Variants in RTL8C observed in about 807,000 individuals in gnomAD.
RTL8C encodes retrotransposon Gag-like protein 8C.
A neutral mutation model predicts 5.0 loss-of-function variants in RTL8C; 1 was observed. The observed-to-expected ratio is 0.20, with a 90% CI of 0.07 to 0.95. RTL8C has a LOEUF of 0.95. Ranked by LOEUF, RTL8C falls within the 40% of genes least tolerant of loss-of-function variation. RTL8C has a pLI of 0.63. For missense variants in RTL8C, 39 were observed against 99.3 expected (o/e 0.39, Z 2.58); for synonymous variants, 37 against 44.5 (o/e 0.83, Z 0.67).
rs764987804 is a variant in RTL8C at position 135,032,530 on chromosome X, C to T, written c.147C>T (p.Ser49=). The change falls in exon 1 of 1, where the codon TCC becomes TCT. Residue 49 remains serine, a synonymous_variant. Coordinates refer to ENST00000257013, the MANE Select transcript of RTL8C (RefSeq NM_001078171.2). ...RLPEFIVQTG[S]YMFVDENTFS... ...CGGAGTTCATCGTGCAGACGGGCTC[C>T]TACATGTTCGTGGACGAGAACACGT... is the stretch of plus-strand genomic sequence containing the variant. The T allele has an allele frequency of 5.0e-5, 60 of 1,210,683 alleles. No individual in the cohort carries two copies. The highest frequency in any genetic ancestry group is 6.4e-5 in the Non-Finnish European group (57 of 895,389).
chrX:135,033,114 T>G lies in RTL8C; in HGVS notation c.*389T>G, dbSNP rs758639439. The G allele has an allele frequency of 1.5e-4, 145 of 961,692 alleles. No homozygotes were observed. In the African/African-American group the frequency reaches 2.6e-3, roughly 17 times the overall value. 79.3% of individuals were successfully genotyped at this position (961,692 alleles called of 1,213,427 possible). Reference sequence around the variant, plus strand: ...CCAGACTGCCAGACGACTACATCATTCTGCCCACAGACCTGCGCTGCCACA... The same window carrying G: ...CCAGACTGCCAGACGACTACATCATGCTGCCCACAGACCTGCGCTGCCACA... On this transcript the variant is annotated 3_prime_UTR_variant, in exon 1 of 1. Transcript: ENST00000257013.
Position 135,033,413 on chromosome X carries a change from AG to A in RTL8C, c.*689del. ...GTTTTGCCCATAACGCAGTATTCTG[AG>A]TTTGCAACTGTCTCTCTGATGTGTG... is the stretch of plus-strand genomic sequence containing the variant. On this transcript the variant is annotated 3_prime_UTR_variant, in exon 1 of 1. Transcript: ENST00000257013. The A allele has an allele frequency of 4.2e-6, 1 of 240,503 alleles. No homozygotes were observed. The highest frequency in any genetic ancestry group is 8.3e-6 in the Non-Finnish European group (1 of 120,628). 19.8% of individuals were successfully genotyped at this position (240,503 alleles called of 1,213,427 possible). A position where few individuals can be genotyped will look rare whatever the true frequency, so the allele number is the denominator to read the frequency against.
Position 135,033,210 on chromosome X carries a change from C to A in RTL8C, c.*485C>A. ...TGATCTGGACTCACCTCGGAGGTAT[C>A]TGGGCTGGCCACAGTCCCTGGACAG... is the stretch of plus-strand genomic sequence containing the variant. On this transcript the variant is annotated 3_prime_UTR_variant, in exon 1 of 1. Transcript: ENST00000257013. 1.4e-6 allele frequency: 1 copy of A among 701,326 alleles called. No individual in the cohort carries two copies. The highest frequency in any genetic ancestry group is 2.0e-6 in the Non-Finnish European group (1 of 498,873). 57.8% of individuals were successfully genotyped at this position (701,326 alleles called of 1,213,427 possible).
chrX:135,033,010 G>C lies in RTL8C; in HGVS notation c.*285G>C. 9.7e-7 allele frequency: 1 copy of C among 1,028,223 alleles called. No individual in the cohort carries two copies. Among genetic ancestry groups the C allele is most frequent in the South Asian group, 2.3e-5 (1 of 44,092 alleles). The allele number at this position is 1,028,223 out of a possible 1,213,427, so 84.7% of individuals were successfully genotyped here. On this transcript the variant is annotated 3_prime_UTR_variant, in exon 1 of 1. Transcript: ENST00000257013. ...CATGTACATTTGGACGCTGTCCTGC[G>C]CTCCAGCTGCAAGCTGGGCTCCTGT...
At position 135,033,254 on chromosome X, in the gene RTL8C, G is replaced by C. The variant is rs1396543819; in HGVS notation, c.*529G>C. 2.3e-6 allele frequency: 1 copy of C among 433,810 alleles called. No individual in the cohort carries two copies. The highest frequency in any genetic ancestry group is 2.5e-5 in the African/African-American group (1 of 39,250). 35.8% of individuals were successfully genotyped at this position (433,810 alleles called of 1,213,427 possible). A position where few individuals can be genotyped will look rare whatever the true frequency, so the allele number is the denominator to read the frequency against. On this transcript the variant is annotated 3_prime_UTR_variant, in exon 1 of 1. Transcript: ENST00000257013. Reference sequence around the variant, plus strand: ...TGGACAGTGATCCAGACAGCTGGCCGCCCCCCAAGGGATCTGTCACCTTCA... The same window carrying C: ...TGGACAGTGATCCAGACAGCTGGCCCCCCCCCAAGGGATCTGTCACCTTCA...
chrX:135,032,566 C>G lies in RTL8C; in HGVS notation c.183C>G (p.Asp61Glu). Residue 61 changes from aspartate to glutamate, a missense_variant, in exon 1 of 1, where the codon GAC becomes GAG. Physicochemically the swap from Asp to Glu is conservative, Grantham distance 45. Coordinates refer to ENST00000257013, the MANE Select transcript of RTL8C (RefSeq NM_001078171.2). The stretch of plus-strand genomic sequence containing the variant: ...TGGACGAGAACACGTTCTCCAGCGA[C>G]GCCCTGAAGGTGACGTTCCTCATCA... The part of the protein sequence containing the change: ...MFVDENTFSS[D>E]ALKVTFLITR... 8.3e-7 allele frequency: 1 copy of G among 1,211,721 alleles called. No individual in the cohort carries two copies. Among genetic ancestry groups the G allele is most frequent in the Non-Finnish European group, 1.1e-6 (1 of 895,450 alleles).
chrX:135,032,358 G>A lies in RTL8C; in HGVS notation c.-26G>A. 1.2e-5 allele frequency: 14 copies of A among 1,188,134 alleles called. No homozygotes were observed. The highest frequency in any genetic ancestry group is 1.5e-5 in the Non-Finnish European group (13 of 882,859). ...TCTGCAGAGCCGGGTGGAGCCCATT[G>A]ACGTCCAGCGAAGCGAGGAGCAGCG... On this transcript the variant is annotated 5_prime_UTR_variant, in exon 1 of 1. Transcript: ENST00000257013.
Position 135,033,058 on chromosome X carries a change from C to A in RTL8C, c.*333C>A, listed in dbSNP as rs1423997969. The A allele has an allele frequency of 1.1e-6, 1 of 928,400 alleles. No homozygotes were observed. The highest frequency in any genetic ancestry group is 2.0e-5 in the African/African-American group (1 of 50,746). The allele number at this position is 928,400 out of a possible 1,213,427, so 76.5% of individuals were successfully genotyped here. On this transcript the variant is annotated 3_prime_UTR_variant, in exon 1 of 1. Coordinates refer to ENST00000257013, the MANE Select transcript of RTL8C (RefSeq NM_001078171.2). The stretch of plus-strand genomic sequence containing the variant: ...TGTTACACACTGGACAGACCACCCA[C>A]TGCCGCCGCTGCCAAGCCCTCTCCT...
rs916586825 is a variant in RTL8C, at chrX:135,032,910, A to G, written c.*185A>G. ...GCCTTTGTTCCAGGAATAGCGCTCC[A>G]GGCTCCTGCTGCCGCCCCTGGGCCT... On this transcript the variant is annotated 3_prime_UTR_variant, in exon 1 of 1. Transcript: ENST00000257013. 4 of 1,100,021 alleles carry G rather than the reference A, an allele frequency of 3.6e-6. No individual in the cohort carries two copies. In the African/African-American group the frequency reaches 7.5e-5, roughly 21 times the overall value. The allele number at this position is 1,100,021 out of a possible 1,213,427, so 90.7% of individuals were successfully genotyped here.
chrX:135,032,863 T>C lies in RTL8C; in HGVS notation c.*138T>C, dbSNP rs1385136146. 13 of 1,115,350 alleles carry C rather than the reference T, an allele frequency of 1.2e-5. No homozygotes were observed. Among genetic ancestry groups the C allele is most frequent in the Non-Finnish European group, 1.4e-5 (12 of 850,814 alleles). 91.9% of individuals were successfully genotyped at this position (1,115,350 alleles called of 1,213,427 possible). ...GCCGCCGCGATGTCCCCTGCGCTCCTGTTCCCTCCCGCGTAGTGCTTGCCT... is the reference window on the plus strand; with the variant it reads ...GCCGCCGCGATGTCCCCTGCGCTCCCGTTCCCTCCCGCGTAGTGCTTGCCT... On this transcript the variant is annotated 3_prime_UTR_variant, in exon 1 of 1. Transcript: ENST00000257013.
chrX:135,032,840 C>G lies in RTL8C; in HGVS notation c.*115C>G, dbSNP rs769517260. The stretch of plus-strand genomic sequence containing the variant: ...CTCCGCGCCTCCCTCCCCCTCGAGC[C>G]GCCGCGATGTCCCCTGCGCTCCTGT... On this transcript the variant is annotated 3_prime_UTR_variant, in exon 1 of 1. Coordinates refer to ENST00000257013, the MANE Select transcript of RTL8C (RefSeq NM_001078171.2). 8.8e-7 allele frequency: 1 copy of G among 1,132,364 alleles called. No individual in the cohort carries two copies. Among genetic ancestry groups the G allele is most frequent in the Non-Finnish European group, 1.2e-6 (1 of 858,576 alleles). The allele number at this position is 1,132,364 out of a possible 1,213,427, so 93.3% of individuals were successfully genotyped here.
At position 135,032,452 on chromosome X, in the gene RTL8C, G is replaced by C; in HGVS notation, c.69G>C (p.Trp23Cys). 3 of 1,212,270 alleles carry C rather than the reference G, an allele frequency of 2.5e-6. No individual in the cohort carries two copies. The highest frequency in any genetic ancestry group is 3.3e-6 in the Non-Finnish European group (3 of 895,604). Reference protein sequence around the residue: ...ALPIRPATRRWRNPIPFPETF... With the variant: ...ALPIRPATRRCRNPIPFPETF... ...CGATCCGGCCTGCGACGCGTCGCTG[G>C]AGGAACCCGATTCCCTTTCCCGAGA... The change falls in exon 1 of 1, where the codon TGG becomes TGC. Residue 23 changes from tryptophan to cysteine, a missense_variant. Trp to Cys is a radical substitution (Grantham distance 215, BLOSUM62 -2). Transcript: ENST00000257013.
In RTL8C at chrX:135,033,212, G is replaced by A; in HGVS notation, c.*487G>A. The stretch of plus-strand genomic sequence containing the variant: ...ATCTGGACTCACCTCGGAGGTATCT[G>A]GGCTGGCCACAGTCCCTGGACAGTG... On this transcript the variant is annotated 3_prime_UTR_variant, in exon 1 of 1. Coordinates refer to ENST00000257013, the MANE Select transcript of RTL8C (RefSeq NM_001078171.2). 1 of 703,019 alleles carries A rather than the reference G, an allele frequency of 1.4e-6. No individual in the cohort carries two copies. The highest frequency in any genetic ancestry group is 2.0e-6 in the Non-Finnish European group (1 of 500,862). The allele number at this position is 703,019 out of a possible 1,213,427, so 57.9% of individuals were successfully genotyped here.
Position 135,032,667 on chromosome X carries a change from G to A in RTL8C, c.284G>A (p.Arg95Gln). The A allele has an allele frequency of 8.3e-7, 1 of 1,207,150 alleles. No individual in the cohort carries two copies. Among genetic ancestry groups the A allele is most frequent in the Non-Finnish European group, 1.1e-6 (1 of 893,121 alleles). The change falls in exon 1 of 1, where the codon CGG (arginine) becomes CAG (glutamine). Residue 95 changes from arginine to glutamine, a missense_variant. Physicochemically the swap from Arg to Gln is conservative, Grantham distance 43. Coordinates refer to ENST00000257013, the MANE Select transcript of RTL8C (RefSeq NM_001078171.2). Reference protein sequence around the residue: ...KKESPLLNDYRGFLAEMKRVF... With the variant: ...KKESPLLNDYQGFLAEMKRVF... The stretch of plus-strand genomic sequence containing the variant: ...GAGAGCCCCCTCCTCAATGATTACC[G>A]GGGCTTTCTGGCCGAGATGAAGCGA...
At position 135,032,792 on chromosome X, in the gene RTL8C, C is replaced by T; in HGVS notation, c.*67C>T. On this transcript the variant is annotated 3_prime_UTR_variant, in exon 1 of 1. Transcript: ENST00000257013. ...GGTCCGCTGTGTTACTGGCCGCCGCCAGGGTCGCCACCGGCGCCCTCCCTC... is the reference window on the plus strand; with the variant it reads ...GGTCCGCTGTGTTACTGGCCGCCGCTAGGGTCGCCACCGGCGCCCTCCCTC... 1 of 1,175,833 alleles carries T rather than the reference C, an allele frequency of 8.5e-7. No individual in the cohort carries two copies.
chrX:135,032,735 C>A lies in RTL8C; in HGVS notation c.*10C>A. ...GGACGAGGACTTCTAGGCCGGGAGACCCTCGGGCCTGGGGGCGGGTGCTCT... is the reference window on the plus strand; with the variant it reads ...GGACGAGGACTTCTAGGCCGGGAGAACCTCGGGCCTGGGGGCGGGTGCTCT... On this transcript the variant is annotated 3_prime_UTR_variant, in exon 1 of 1. Coordinates refer to ENST00000257013, the MANE Select transcript of RTL8C (RefSeq NM_001078171.2). 8.3e-7 allele frequency: 1 copy of A among 1,209,916 alleles called. No homozygotes were observed. Among genetic ancestry groups the A allele is most frequent in the Non-Finnish European group, 1.1e-6 (1 of 894,525 alleles).
In RTL8C at chrX:135,032,728, C is replaced by T. The variant is rs1461715840; in HGVS notation, c.*3C>T. On this transcript the variant is annotated 3_prime_UTR_variant, in exon 1 of 1. Coordinates refer to ENST00000257013, the MANE Select transcript of RTL8C (RefSeq NM_001078171.2). The stretch of plus-strand genomic sequence containing the variant: ...GGGAGGAGGACGAGGACTTCTAGGC[C>T]GGGAGACCCTCGGGCCTGGGGGCGG... The T allele has an allele frequency of 1.7e-6, 2 of 1,210,230 alleles. No individual in the cohort carries two copies. Among genetic ancestry groups the T allele is most frequent in the Admixed American group, 4.3e-5 (2 of 45,997 alleles).
chrX:135,032,783 G>A lies in RTL8C; in HGVS notation c.*58G>A. 8.5e-7 allele frequency: 1 copy of A among 1,183,359 alleles called. No individual in the cohort carries two copies. Among genetic ancestry groups the A allele is most frequent in the Non-Finnish European group, 1.1e-6 (1 of 882,964 alleles). On this transcript the variant is annotated 3_prime_UTR_variant, in exon 1 of 1. Transcript: ENST00000257013. ...TCTGGGGAGGGTCCGCTGTGTTACT[G>A]GCCGCCGCCAGGGTCGCCACCGGCG...
rs754264340 is a variant in RTL8C, at chrX:135,032,998, A to C, written c.*273A>C. ...GCCAGCCCCTCCCATGTACATTTGG[A>C]CGCTGTCCTGCGCTCCAGCTGCAAG... is the stretch of plus-strand genomic sequence containing the variant. On this transcript the variant is annotated 3_prime_UTR_variant, in exon 1 of 1. Coordinates refer to ENST00000257013, the MANE Select transcript of RTL8C (RefSeq NM_001078171.2). 27 of 1,047,985 alleles carry C rather than the reference A, an allele frequency of 2.6e-5. No individual in the cohort carries two copies. The highest frequency in any genetic ancestry group is 2.5e-4 in the South Asian group (11 of 43,852). 86.4% of individuals were successfully genotyped at this position (1,047,985 alleles called of 1,213,427 possible).
Sources: gnomAD v4.1 joint callset for allele counts on GRCh38, gnomAD v4.1.1 for gene constraint, MANE v1.5 for transcripts, NCBI Gene and HGNC (gene_info 2026-07-23, HGNC 2026-07-21) for gene names.